SUCLA2: variants seen among roughly 807,000 people sequenced by gnomAD.
The protein encoded by SUCLA2 is succinate-CoA ligase ADP-forming subunit beta.
A neutral mutation model predicts 54.8 loss-of-function variants in SUCLA2; 30 were observed. That is an observed-to-expected ratio of 0.55 (90% CI 0.41 to 0.74). The LOEUF is 0.74. Ranked by LOEUF, SUCLA2 falls within the 30% of genes least tolerant of loss-of-function variation. The pLI is 0.00. For synonymous variants in SUCLA2, 172 were observed against 188.9 expected (o/e 0.91, Z 0.74); for missense variants, 476 against 562.9 (o/e 0.85, Z 1.56).
chr13:47,977,464 A>G (rs142532153), intron 4 of SUCLA2, among the ~76,000 whole-genome samples: 2 of 152,268 alleles, frequency 1.3e-5, no homozygotes, highest in East Asian at 3.9e-4. Context: ...CAAAATCAGA[A>G]GGTATTAAAA....
chr13:48,000,912 C>G, intron 1 of SUCLA2: 1 of 1,359,570 alleles, frequency 7.4e-7, no homozygotes, highest in South Asian at 1.6e-5. Flanking sequence ...CCCACCTGCT[C>G]CCGCCCATCT....
At chr13:47,974,603 C>T (rs1428121740) in intron 4 of SUCLA2, among the ~76,000 whole-genome samples, 3 of 151,822 alleles carry the variant, frequency 2.0e-5, no homozygotes, top group Admixed American at 6.6e-5. Flanking sequence ...AAGTAAAATA[C>T]AATAAATAAA....
intron 6 of SUCLA2, among the ~76,000 whole-genome samples, chr13:47,956,035 A>G (rs1441140761): frequency 6.6e-6 from 1 of 152,224 alleles, no homozygotes; most frequent in African/African-American, 2.4e-5. Flanking sequence ...AGTCAAACTT[A>G]CTAGATCCGT....
intron 1 of SUCLA2, among the ~76,000 whole-genome samples, chr13:48,000,136 T>TG (rs1555260540): frequency 4.3e-5 from 4 of 93,168 alleles, no homozygotes; most frequent in African/African-American, 1.2e-4. Flanking sequence ...TCAATAAAAA[T>TG]GAAAAAAAAA....
intron 8 of SUCLA2, among the ~76,000 whole-genome samples, chr13:47,950,570 T>G (rs1949768063): frequency 6.6e-6 from 1 of 152,156 alleles, no homozygotes; most frequent in Admixed American, 6.5e-5. Context: ...CATCCAAATC[T>G]CAGGACCTGT....
intron 2 of SUCLA2, among the ~76,000 whole-genome samples, chr13:47,991,993 T>C (rs1950152924): frequency 6.6e-6 from 1 of 151,540 alleles, no homozygotes; most frequent in South Asian, 2.1e-4. Context: ...ATTAGAGAGT[T>C]TGTGCCCAAA....
At chr13:47,996,754 G>C in intron 2 of SUCLA2, 89 bp downstream of exon 2, 21 of 1,243,354 alleles carry the variant, frequency 1.7e-5, no homozygotes, top group Non-Finnish European at 2.3e-5. Context: ...TTAAAAAAAA[G>C]CTAAAAGTTG....
chr13:47,944,475 C>T (rs549764348), intron 10 of SUCLA2, among the ~76,000 whole-genome samples: 1 of 151,548 alleles, frequency 6.6e-6, no homozygotes, highest in African/African-American at 2.4e-5. Context: ...TTCATGTCCT[C>T]CAAGCTTTTC....
At chr13:47,995,992 C>G (rs1950187401) in intron 2 of SUCLA2, among the ~76,000 whole-genome samples, 1 of 152,000 alleles carries the variant, frequency 6.6e-6, no homozygotes, top group African/African-American at 2.4e-5. Context: ...GTCAGGCATT[C>G]TTCTAAGATT....
In SUCLA2 at chr13:47,943,764, G is replaced by GTATATATATATATATATA. The variant is rs1366859649; in HGVS notation, c.1318-320_1318-319insTATATATATATATATATA. On this transcript the variant is annotated intron_variant, in intron 10 of 10. Coordinates refer to ENST00000646932, the MANE Select transcript of SUCLA2 (RefSeq NM_003850.3). The stretch of plus-strand genomic sequence containing the variant: ...TATGTATGTGTGTGTGTGTGTGTGT[G>GTATATATATATATATATA]TGTATATATATATATATTATTCTAA... 5.0e-3 allele frequency among the ~76,000 whole-genome samples: 685 copies of GTATATATATATATATATA among 137,886 alleles called. 9 individuals are homozygous for GTATATATATATATATATA. Among genetic ancestry groups the GTATATATATATATATATA allele is most frequent in the African/African-American group, 0.017 (619 of 36,008 alleles). 90.5% of individuals were successfully genotyped at this position (137,886 alleles called of 152,430 possible). A position where few individuals can be genotyped will look rare whatever the true frequency, so the allele number is the denominator to read the frequency against.
chr13:47,951,687 G>C (rs1949777616), intron 8 of SUCLA2, among the ~76,000 whole-genome samples: 1 of 152,100 alleles, frequency 6.6e-6, no homozygotes, highest in Non-Finnish European at 1.5e-5. Context: ...TCCCATGCAA[G>C]CTCTCTAACT....
chr13:47,972,250 A>T (rs1454885510), intron 5 of SUCLA2, among the ~76,000 whole-genome samples: 1 of 152,140 alleles, frequency 6.6e-6, no homozygotes, highest in African/African-American at 2.4e-5. Flanking sequence ...GCAAGACTCC[A>T]TCTCAAAGAA....
At chr13:47,968,844 ATAGT>A (rs1949939317) in intron 5 of SUCLA2, 111 bp from the exon 6 acceptor site, 1 of 1,215,488 alleles carries the variant, frequency 8.2e-7, no homozygotes, top group African/African-American at 1.5e-5. Context: ...TGAGTCATTT[ATAGT>A]CAAACATTAC....
chr13:47,952,165 AACATTTG>A lies in SUCLA2; in HGVS notation c.1107+1968_1107+1974del, dbSNP rs374567712. Among the ~76,000 whole-genome samples, 456 of 152,168 alleles carry A rather than the reference AACATTTG, an allele frequency of 3.0e-3. 3 individuals carry two copies. Among genetic ancestry groups the A allele is most frequent in the African/African-American group, 0.011 (441 of 41,524 alleles). On this transcript the variant is annotated intron_variant, in intron 8 of 10. Coordinates refer to ENST00000646932, the MANE Select transcript of SUCLA2 (RefSeq NM_003850.3). ...TCTTACTCTGTCTGAATAGTCCTAC[AACATTTG>A]ACATTGTTTCCCAATGCCTTACTTC...
At chr13:47,994,877 ATTAT>A in intron 2 of SUCLA2, 1 of 985,172 alleles carries the variant, frequency 1.0e-6, no homozygotes, top group East Asian at 1.1e-4. Context: ...TCCTGCACAT[ATTAT>A]TTCTTTCTTC....
rs1311200386 is a variant in SUCLA2 at position 47,942,766 on chromosome 13, C to A, written c.*605G>T. On this transcript the variant is annotated 3_prime_UTR_variant, in exon 11 of 11. Coordinates refer to ENST00000646932, the MANE Select transcript of SUCLA2 (RefSeq NM_003850.3). ...AACCTACAGGTGTTTCTTAATATGA[C>A]AGAATCATGAAGACTTGCAGTTAAT... 2.0e-5 allele frequency: 3 copies of A among 152,450 alleles called. No homozygotes were observed. Among genetic ancestry groups the A allele is most frequent in the African/African-American group, 7.2e-5 (3 of 41,436 alleles). The allele number at this position is 152,450 out of a possible 1,614,324, so 9.4% of individuals were successfully genotyped here. A position where few individuals can be genotyped will look rare whatever the true frequency, so the allele number is the denominator to read the frequency against.
chr13:47,943,594 T>C (rs552027592), intron 10 of SUCLA2, 149 bp from the exon 11 acceptor site: 1 of 703,848 alleles, frequency 1.4e-6, no homozygotes, highest in East Asian at 2.8e-5. Flanking sequence ...TATAAGCAAA[T>C]GACATTCTCA....
At chr13:47,966,344 A>G (rs1949918038) in intron 6 of SUCLA2, among the ~76,000 whole-genome samples, 1 of 152,120 alleles carries the variant, frequency 6.6e-6, no homozygotes, top group Non-Finnish European at 1.5e-5. Context: ...TCAGCAAAAC[A>G]TCACCCATTA....
In SUCLA2 at chr13:47,954,437, T is replaced by A; in HGVS notation, c.923A>T (p.Asn308Ile). The change falls in exon 7 of 11, where the codon AAT (asparagine) becomes ATT (isoleucine). Residue 308 changes from asparagine (N) to isoleucine (I), a missense_variant. Coordinates refer to ENST00000646932, the MANE Select transcript of SUCLA2 (RefSeq NM_003850.3). Reference sequence around the variant, plus strand: ...TCCATCGAGGCCAATGTAGTTGAGATTTGCCTTAGCAGCATCTTTGTCCCT... The same window carrying A: ...TCCATCGAGGCCAATGTAGTTGAGAATTGCCTTAGCAGCATCTTTGTCCCT... ...DERDKDAAKA[N>I]LNYIGLDGNI... The A allele has an allele frequency of 3.1e-6, 5 of 1,614,038 alleles. No individual in the cohort carries two copies. The highest frequency in any genetic ancestry group is 4.2e-6 in the Non-Finnish European group (5 of 1,179,938).
Sources: gnomAD v4.1 joint callset for allele counts (sites outside exome capture counted in the v4.1 genomes callset) on GRCh38, gnomAD v4.1.1 for gene constraint, MANE v1.5 for transcripts, NCBI Gene and HGNC (gene_info 2026-07-23, HGNC 2026-07-21) for gene names.